Variants in FEM1B observed in about 807,000 individuals in gnomAD.
FEM1B encodes fem-1 homolog B, also known as protein fem-1 homolog B.
In FEM1B, 10 loss-of-function variants were observed where a neutral mutation model predicts 38.6. That is an observed-to-expected ratio of 0.26 (90% CI 0.16 to 0.44). The LOEUF (loss-of-function observed/expected upper bound fraction) is 0.44. Among genes scored for constraint, FEM1B ranks in the 20% least tolerant of loss-of-function variants. The pLI is 1.00. For missense variants in FEM1B, 471 were observed against 786.7 expected, an observed-to-expected ratio of 0.60 and a Z score of 4.80; for synonymous variants, 288 against 288.0, an observed-to-expected ratio of 1.00 and a Z score of 0.00.
At chr15:68,285,023 G>A (rs1892770734) in intron 1 of FEM1B, among the ~76,000 whole-genome samples, 1 of 152,176 alleles carries the variant, frequency 6.6e-6, no homozygotes, top group Non-Finnish European at 1.5e-5. Context: ...CCAGTTTCGG[G>A]TATGCCTTTA....
intron 1 of FEM1B, among the ~76,000 whole-genome samples, chr15:68,283,212 A>G (rs982745234): frequency 6.6e-6 from 1 of 152,124 alleles, no homozygotes; most frequent in Non-Finnish European, 1.5e-5. Flanking sequence ...AAATATTTTA[A>G]TCACTTTTTG....
At chr15:68,279,257 A>AT (rs1892701449) in intron 1 of FEM1B, among the ~76,000 whole-genome samples, 1 of 151,812 alleles carries the variant, frequency 6.6e-6, no homozygotes, top group African/African-American at 2.4e-5. Flanking sequence ...CGGTGTAGAT[A>AT]TATTGGCTAC....
rs913033133 is a variant in FEM1B, at chr15:68,284,771, G to T, written c.249-4836G>T. ...CTTATCTTGAATTCCCACGTGTTGTGGGAGGGACCTGGTGGGAGGCAACTG... is the reference window on the plus strand; with the variant it reads ...CTTATCTTGAATTCCCACGTGTTGTTGGAGGGACCTGGTGGGAGGCAACTG... On this transcript the variant is annotated intron_variant, in intron 1 of 1. Transcript: ENST00000306917. This position sits in a 1 kb window ranked among gnomAD's most constrained non-coding sequence, Gnocchi z 4.4. Among the ~76,000 whole-genome samples, 3 of 152,170 alleles carry T rather than the reference G, an allele frequency of 2.0e-5. No homozygotes were observed. Among genetic ancestry groups the T allele is most frequent in the Middle Eastern group, 3.2e-3 (1 of 316 alleles).
rs199982589 is a variant in FEM1B at position 68,290,397 on chromosome 15, A to G, written c.1039A>G (p.Ile347Val). The G allele has an allele frequency of 1.5e-5, 24 of 1,614,080 alleles. No homozygotes were observed. The highest frequency in any genetic ancestry group is 1.8e-5 in the Non-Finnish European group (21 of 1,180,032). The change falls in exon 2 of 2, where the codon ATC becomes GTC. Residue 347 changes from isoleucine to valine, a missense_variant. Coordinates refer to ENST00000306917, the MANE Select transcript of FEM1B (RefSeq NM_015322.5). This position sits in a 1 kb window ranked among gnomAD's most constrained non-coding sequence, Gnocchi z 9.7. ...TGACAATATTGATGTTTCTCATCCC[A>G]TCATTTACAGAGGAGCTGTTTATGC... is the stretch of plus-strand genomic sequence containing the variant. ...GADNIDVSHP[I>V]IYRGAVYADN...
intron 1 of FEM1B, among the ~76,000 whole-genome samples, chr15:68,283,803 A>C (rs1392844990): frequency 6.6e-6 from 1 of 152,142 alleles, no homozygotes; most frequent in African/African-American, 2.4e-5. Flanking sequence ...AAATGTTTGA[A>C]CAATGATGTG....
rs1892842677 is a variant in FEM1B, at chr15:68,291,083, TC to T, written c.1727del (p.Pro576ArgfsTer2). ...TDMTNKQNKT[P>X]LDKSTTGVSE... ...ACATGACGAATAAACAGAATAAGAC[TC>T]CGCTAGACAAAAGTACAACTGGGGT... On this transcript the variant is annotated frameshift_variant, in exon 2 of 2. Coordinates refer to ENST00000306917, the MANE Select transcript of FEM1B (RefSeq NM_015322.5). LOFTEE classifies it high-confidence loss of function. The surrounding 1 kb of genome is among the most constrained non-coding windows in gnomAD (Gnocchi z 6.9). The T allele has an allele frequency of 6.2e-7, 1 of 1,613,956 alleles. No individual in the cohort carries two copies. Among genetic ancestry groups the T allele is most frequent in the African/African-American group, 1.3e-5 (1 of 74,868 alleles).
Position 68,278,515 on chromosome 15 carries a change from G to T in FEM1B, c.98G>T (p.Arg33Leu), listed in dbSNP as rs1337507653. Residue 33 changes from arginine (R) to leucine (L), a missense_variant, in exon 1 of 2, where the codon CGC becomes CTC. By Grantham distance (102) the Arg-to-Leu change is moderately radical. Around this residue, in one of 3 missense-constraint regions of FEM1B, gnomAD observed 91 missense variants for 169.6 expected, o/e 0.54. Coordinates refer to ENST00000306917, the MANE Select transcript of FEM1B (RefSeq NM_015322.5). This position sits in a 1 kb window ranked among gnomAD's most constrained non-coding sequence, Gnocchi z 5.7. Reference protein sequence around the residue: ...LLLNRSESDIRYLLGYVSQQG... With the variant: ...LLLNRSESDILYLLGYVSQQG... ...CTCAACCGGTCTGAAAGCGACATCC[G>T]CTATCTGCTTGGCTATGTCAGCCAG... The T allele has an allele frequency of 6.2e-7, 1 of 1,614,046 alleles. No individual in the cohort carries two copies. The highest frequency in any genetic ancestry group is 8.5e-7 in the Non-Finnish European group (1 of 1,180,032).
Position 68,289,619 on chromosome 15 carries a change from T to A in FEM1B, c.261T>A (p.Asp87Glu), listed in dbSNP as rs1892825626. The A allele has an allele frequency of 6.2e-7, 1 of 1,613,778 alleles. No homozygotes were observed. The highest frequency in any genetic ancestry group is 1.3e-5 in the African/African-American group (1 of 74,926). ...TTTTCATGTGTAGGTATGTCATTGATGGTGCCACTGCTCTTTGGTGTGCAG... is the reference window on the plus strand; with the variant it reads ...TTTTCATGTGTAGGTATGTCATTGAAGGTGCCACTGCTCTTTGGTGTGCAG... ...GTVRFDGYVI[D>E]GATALWCAAG... The change falls in exon 2 of 2, where the codon GAT (aspartate) becomes GAA (glutamate). Residue 87 changes from aspartate to glutamate, a missense_variant. Asp to Glu is a conservative substitution (Grantham distance 45). Around this residue, in one of 3 missense-constraint regions of FEM1B, gnomAD observed 91 missense variants for 169.6 expected, o/e 0.54. Coordinates refer to ENST00000306917, the MANE Select transcript of FEM1B (RefSeq NM_015322.5). This position sits in a 1 kb window ranked among gnomAD's most constrained non-coding sequence, Gnocchi z 6.9.
chr15:68,283,602 G>GTTGTGCCACTGCCATGAGCAGTGA (rs986272315), intron 1 of FEM1B, among the ~76,000 whole-genome samples: 2 of 151,274 alleles, frequency 1.3e-5, no homozygotes, highest in Non-Finnish European at 2.9e-5. Flanking sequence ...GTGAGCAGTG[G>GTTGTGCCACTGCCATGAGCAGTGA]TTGTGCCACT....
intron 1 of FEM1B, among the ~76,000 whole-genome samples, chr15:68,286,408 G>A (rs751807595): frequency 6.6e-6 from 1 of 151,682 alleles, no homozygotes; most frequent in Non-Finnish European, 1.5e-5. Context: ...AGAGGTTCTC[G>A]CACTGTTGCT....
chr15:68,279,374 A>C (rs1369222096), intron 1 of FEM1B, among the ~76,000 whole-genome samples: 2 of 152,228 alleles, frequency 1.3e-5, no homozygotes, highest in Non-Finnish European at 2.9e-5. Flanking sequence ...TGAGGTGGGA[A>C]GTTTAAAAAT....
In FEM1B at chr15:68,280,737, A is replaced by T. The variant is rs779696008; in HGVS notation, c.248+2072A>T. ...GAGCCCAGATTTTGGTGATCCCTGT[A>T]TAAAGTACTAAGAGTAAGACTGGTT... On this transcript the variant is annotated intron_variant, in intron 1 of 1. Coordinates refer to ENST00000306917, the MANE Select transcript of FEM1B (RefSeq NM_015322.5). The surrounding 1 kb of genome is among the most constrained non-coding windows in gnomAD (Gnocchi z 4.2). Among the ~76,000 whole-genome samples the T allele has an allele frequency of 5.9e-5, 9 of 152,232 alleles. No individual in the cohort carries two copies. The highest frequency in any genetic ancestry group is 1.2e-4 in the Non-Finnish European group (8 of 68,040).
intron 1 of FEM1B, among the ~76,000 whole-genome samples, chr15:68,287,196 C>G (rs1047424713): frequency 6.6e-6 from 1 of 151,960 alleles, no homozygotes; most frequent in African/African-American, 2.4e-5. Context: ...CGGCCTGATT[C>G]ATTCTTTAGT....
chr15:68,279,065 G>A lies in FEM1B; in HGVS notation c.248+400G>A, dbSNP rs552004396. On this transcript the variant is annotated intron_variant, in intron 1 of 1. Transcript: ENST00000306917. ...TCAGCGGTTAACATTGAAGAACTCC[G>A]AAAGAGTTATTTGGGCATCCATTTT... Among the ~76,000 whole-genome samples the A allele has an allele frequency of 3.3e-5, 5 of 152,298 alleles. No individual in the cohort carries two copies. In the South Asian group the frequency reaches 8.3e-4, roughly 25 times the overall value.
At chr15:68,287,329 C>T (rs1485702324) in intron 1 of FEM1B, among the ~76,000 whole-genome samples, 3 of 152,132 alleles carry the variant, frequency 2.0e-5, no homozygotes, top group African/African-American at 4.8e-5. Flanking sequence ...CTTAAGTATG[C>T]AGTTTGGTGA....
rs143456679 is a variant in FEM1B at position 68,289,560 on chromosome 15, T to A, written c.249-47T>A. ...GTGAATACATCCCTTAAACATATGT[T>A]AGGCTGTGGCCTCTGTTATCTAACT... On this transcript the variant is annotated intron_variant, in intron 1 of 1. Coordinates refer to ENST00000306917, the MANE Select transcript of FEM1B (RefSeq NM_015322.5). The surrounding 1 kb of genome is among the most constrained non-coding windows in gnomAD (Gnocchi z 6.9). 2.1e-6 allele frequency: 3 copies of A among 1,419,758 alleles called. No homozygotes were observed. The South Asian group carries it at 3.6e-5, about 17-fold the overall frequency. The allele number at this position is 1,419,758 out of a possible 1,614,324, so 87.9% of individuals were successfully genotyped here.
Position 68,289,161 on chromosome 15 carries a change from A to T in FEM1B, c.249-446A>T, listed in dbSNP as rs1171776708. 1 of 170,574 alleles carries T rather than the reference A, an allele frequency of 5.9e-6. No individual in the cohort carries two copies. Among genetic ancestry groups the T allele is most frequent in the Admixed American group, 5.4e-5 (1 of 18,520 alleles). The allele number at this position is 170,574 out of a possible 1,614,324, so 10.6% of individuals were successfully genotyped here. A position where few individuals can be genotyped will look rare whatever the true frequency, so the allele number is the denominator to read the frequency against. On this transcript the variant is annotated intron_variant, in intron 1 of 1. Transcript: ENST00000306917. The surrounding 1 kb of genome is among the most constrained non-coding windows in gnomAD (Gnocchi z 6.9). Reference sequence around the variant, plus strand: ...TTTTCTTCTTAAAGCAGTGTCTAACACAGCTTTAATGTAGGGTTGGGGTGG... The same window carrying T: ...TTTTCTTCTTAAAGCAGTGTCTAACTCAGCTTTAATGTAGGGTTGGGGTGG...
intron 1 of FEM1B, among the ~76,000 whole-genome samples, chr15:68,283,271 T>C (rs1259192795): frequency 6.6e-6 from 1 of 152,070 alleles, no homozygotes; most frequent in Non-Finnish European, 1.5e-5. Context: ...ATAGGTTTAT[T>C]GCTAGGGTTA....
In FEM1B at chr15:68,280,745, C is replaced by T. The variant is rs1008179969; in HGVS notation, c.248+2080C>T. Among the ~76,000 whole-genome samples the T allele has an allele frequency of 4.6e-5, 7 of 152,178 alleles. No homozygotes were observed. The highest frequency in any genetic ancestry group is 4.6e-4 in the Admixed American group (7 of 15,276). ...ATTTTGGTGATCCCTGTATAAAGTA[C>T]TAAGAGTAAGACTGGTTAAACTGCA... On this transcript the variant is annotated intron_variant, in intron 1 of 1. Coordinates refer to ENST00000306917, the MANE Select transcript of FEM1B (RefSeq NM_015322.5). The surrounding 1 kb of genome is among the most constrained non-coding windows in gnomAD (Gnocchi z 4.2).
Sources: gnomAD v4.1 joint callset for allele counts (sites outside exome capture counted in the v4.1 genomes callset) on GRCh38, gnomAD v4.1.1 for gene constraint, gnomAD v4.1.1 regional missense constraint, Gnocchi (gnomAD v3.1) non-coding constraint, MANE v1.5 for transcripts, NCBI Gene and HGNC (gene_info 2026-07-23, HGNC 2026-07-21) for gene names.